DGKE: variants seen among roughly 807,000 people sequenced by gnomAD.
DGKE encodes diacylglycerol kinase epsilon.
A neutral mutation model predicts 70.0 loss-of-function variants in DGKE; 53 were observed. The observed-to-expected ratio is 0.76, with a 90% CI of 0.61 to 0.95. The LOEUF (loss-of-function observed/expected upper bound fraction) is 0.95. DGKE is among the 40% of genes least tolerant of loss of function. The pLI is 0.00. For synonymous variants in DGKE, 291 were observed against 257.0 expected, an observed-to-expected ratio of 1.13 and a Z score of -1.27; for missense variants, 655 against 706.9, an observed-to-expected ratio of 0.93 and a Z score of 0.83.
intron 2 of DGKE, 44 bp downstream of exon 2, chr17:56,835,303 G>T: frequency 6.4e-7 from 1 of 1,556,632 alleles, no homozygotes. Context: ...TGCGCCGTGG[G>T]AATCAGGATT....
intron 7 of DGKE, among the ~76,000 whole-genome samples, chr17:56,855,036 C>T (rs1310510330): frequency 6.6e-6 from 1 of 151,966 alleles, no homozygotes; most frequent in African/African-American, 2.4e-5. Flanking sequence ...GCTGGAGTTT[C>T]AGTGATGAAG....
chr17:56,848,149 G>C (rs1156553587), intron 5 of DGKE, 84 bp downstream of exon 5: 2 of 894,190 alleles, frequency 2.2e-6, no homozygotes. Context: ...TTTTGTTGTT[G>C]TTTTGTTGTT....
At position 56,849,850 on chromosome 17, in the gene DGKE, C is replaced by T. The variant is rs183088791; in HGVS notation, c.1098+618C>T. On this transcript the variant is annotated intron_variant, in intron 7 of 11. Transcript: ENST00000284061. ...TTGGGCATATCAATCTAAAAGTTTT[C>T]GTAGTGTTAAACAAGAAGTTGGACG... Among the ~76,000 whole-genome samples the T allele has an allele frequency of 5.3e-5, 8 of 152,130 alleles. No homozygotes were observed. The South Asian group carries it at 1.2e-3, about 24-fold the overall frequency.
intron 7 of DGKE, among the ~76,000 whole-genome samples, chr17:56,855,134 AAAAT>A (rs1478624828): frequency 1.5e-4 from 22 of 149,672 alleles, no homozygotes; most frequent in Non-Finnish European, 8.8e-5. Context: ...ATTCAGTTAA[AAAAT>A]AAAGGCAAAT....
rs147074954 is a variant in DGKE, at chr17:56,845,764, A to G, written c.699A>G (p.Gly233=). The G allele has an allele frequency of 1.2e-6, 2 of 1,612,130 alleles. No homozygotes were observed. The highest frequency in any genetic ancestry group is 2.7e-5 in the African/African-American group (2 of 74,790). Residue 233 remains glycine (G), a synonymous_variant, in exon 4 of 12, where the codon GGA becomes GGG. Transcript: ENST00000284061. ...ACTCTCGTAGTGGAACTAATATGGG[A>G]GAAGGACTGTTGGGAGAATTTAGGA... The part of the protein sequence containing the change: ...LANSRSGTNM[G]EGLLGEFRIL...
At chr17:56,849,728 A>G (rs1352172614) in intron 7 of DGKE, among the ~76,000 whole-genome samples, 1 of 152,226 alleles carries the variant, frequency 6.6e-6, no homozygotes, top group Non-Finnish European at 1.5e-5. Context: ...AATACATATT[A>G]CTATTAGATT....
In DGKE at chr17:56,835,110, C is replaced by T. The variant is rs778963327; in HGVS notation, c.315C>T (p.Arg105=). ...GCTGCCTCAGGAAGGCCGACAAGCG[C>T]TTCCAGTGCAAGGAGATTATGCTCA... ...DEGCLRKADK[R]FQCKEIMLKN... is the part of the protein sequence containing the mutation. Residue 105 remains arginine (R), a synonymous_variant, in exon 2 of 12, where the codon CGC becomes CGT. Transcript: ENST00000284061. The T allele has an allele frequency of 1.2e-5, 19 of 1,613,818 alleles. No individual in the cohort carries two copies. In the East Asian group the frequency reaches 3.8e-4, roughly 32 times the overall value.
rs1908640074 is a variant in DGKE, at chr17:56,868,917, T to C, written c.*6126T>C. 1 of 152,240 alleles carries C rather than the reference T, an allele frequency of 6.6e-6. No individual in the cohort carries two copies. The highest frequency in any genetic ancestry group is 1.5e-5 in the Non-Finnish European group (1 of 68,038). 9.4% of individuals were successfully genotyped at this position (152,240 alleles called of 1,614,324 possible). A position where few individuals can be genotyped will look rare whatever the true frequency, so the allele number is the denominator to read the frequency against. ...ATTCTCACGCATATAAACTGGCTCC[T>C]GGCAGAGTAGAGCAGTAAGTGGGAT... On this transcript the variant is annotated 3_prime_UTR_variant, in exon 12 of 12. Coordinates refer to ENST00000284061, the MANE Select transcript of DGKE (RefSeq NM_003647.3).
chr17:56,859,708 G>A (rs1474748613), intron 9 of DGKE, among the ~76,000 whole-genome samples: 9 of 152,126 alleles, frequency 5.9e-5, no homozygotes, highest in Non-Finnish European at 1.2e-4. Context: ...GTAAGCCACC[G>A]CGCCCAGCCA....
At chr17:56,849,872 G>A (rs1907542668) in intron 7 of DGKE, among the ~76,000 whole-genome samples, 2 of 152,162 alleles carry the variant, frequency 1.3e-5, no homozygotes, top group Admixed American at 1.3e-4. Flanking sequence ...CAAGAAGTTG[G>A]ACGTTTAGGC....
intron 9 of DGKE, 138 bp from the exon 10 acceptor site, chr17:56,861,653 G>C (rs1908298878): frequency 1.9e-6 from 2 of 1,081,026 alleles, no homozygotes; most frequent in African/African-American, 3.2e-5. Context: ...GAGAGGCCCT[G>C]AGTGAGAGGT....
At chr17:56,842,841 A>C (rs1907068430) in intron 2 of DGKE, among the ~76,000 whole-genome samples, 2 of 152,230 alleles carry the variant, frequency 1.3e-5, no homozygotes, top group African/African-American at 4.8e-5. Flanking sequence ...TTAAATACTT[A>C]GCAAATTAAT....
At chr17:56,853,606 C>T (rs1907774973) in intron 7 of DGKE, among the ~76,000 whole-genome samples, 1 of 152,162 alleles carries the variant, frequency 6.6e-6, no homozygotes, top group Admixed American at 6.5e-5. Context: ...AATCAGTTGG[C>T]CATAGATATG....
intron 9 of DGKE, among the ~76,000 whole-genome samples, chr17:56,860,343 G>A (rs1445330235): frequency 6.6e-6 from 1 of 152,082 alleles, no homozygotes; most frequent in African/African-American, 2.4e-5. Flanking sequence ...ACTAGCCTGG[G>A]CAACATAGTG....
chr17:56,847,931 G>A lies in DGKE; in HGVS notation c.754G>A (p.Val252Ile), dbSNP rs1356684612. The A allele has an allele frequency of 6.4e-7, 1 of 1,553,002 alleles. No individual in the cohort carries two copies. The highest frequency in any genetic ancestry group is 8.7e-7 in the Non-Finnish European group (1 of 1,154,804). ...TTTCTTTTGTTTCTAGGTTTTTGAT[G>A]TAACTAAAACTCCTCCTATCAAAGC... ...ILLNPVQVFD[V>I]TKTPPIKALQ... The change falls in exon 5 of 12, where the codon GTA (valine) becomes ATA (isoleucine). Residue 252 changes from valine to isoleucine, a missense_variant. By Grantham distance (29) the Val-to-Ile change is conservative (BLOSUM62 3). Transcript: ENST00000284061.
chr17:56,847,169 T>C (rs953674193), intron 4 of DGKE, among the ~76,000 whole-genome samples: 7 of 152,204 alleles, frequency 4.6e-5, no homozygotes, highest in South Asian at 2.1e-4. Context: ...CATTTTTATG[T>C]CATTTTCTAT....
intron 2 of DGKE, among the ~76,000 whole-genome samples, chr17:56,837,991 T>C (rs114817557): frequency 1.0e-3 from 155 of 152,344 alleles, no homozygotes; most frequent in African/African-American, 3.6e-3. Flanking sequence ...ACATCTTCTT[T>C]TTCTTCTTCT....
At chr17:56,860,414 A>G (rs777530505) in intron 9 of DGKE, among the ~76,000 whole-genome samples, 1 of 152,220 alleles carries the variant, frequency 6.6e-6, no homozygotes, top group Non-Finnish European at 1.5e-5. Flanking sequence ...CTGTGGTCCT[A>G]GCTGCTCAGG....
rs748839014 is a variant in DGKE at position 56,834,759 on chromosome 17, C to T, written c.-18-19C>T. 3.2e-6 allele frequency: 5 copies of T among 1,548,562 alleles called. No individual in the cohort carries two copies. The highest frequency in any genetic ancestry group is 4.4e-6 in the Non-Finnish European group (5 of 1,148,500). On this transcript the variant is annotated intron_variant, in intron 1 of 11. Coordinates refer to ENST00000284061, the MANE Select transcript of DGKE (RefSeq NM_003647.3). ...GGATGGCGAGCTCGGGGTGCACCGC[C>T]TGTTTCTTTTCTGGTTAGGTATCGT...
Sources: gnomAD v4.1 joint callset for allele counts (sites outside exome capture counted in the v4.1 genomes callset) on GRCh38, gnomAD v4.1.1 for gene constraint, MANE v1.5 for transcripts, NCBI Gene and HGNC (gene_info 2026-07-23, HGNC 2026-07-21) for gene names.